Variants in FBXL7 observed in about 807,000 individuals in gnomAD.
FBXL7 encodes F-box/LRR-repeat protein 7.
FBXL7 carries 12 observed loss-of-function variants against 38.3 expected under a neutral mutation model. That is an observed-to-expected ratio of 0.31 (90% confidence interval 0.20 to 0.51). FBXL7 has a LOEUF of 0.51. Among genes scored for constraint, FBXL7 ranks in the 20% least tolerant of loss-of-function variants. The pLI is 0.98. For missense variants in FBXL7, 567 were observed against 676.4 expected (o/e 0.84, Z 1.79); for synonymous variants, 297 against 300.9 (o/e 0.99, Z 0.13).
At chr5:15,623,563 G>A (rs1257104477) in intron 2 of FBXL7, among the ~76,000 whole-genome samples, 1 of 152,132 alleles carries the variant, frequency 6.6e-6, no homozygotes, top group Non-Finnish European at 1.5e-5. Flanking sequence ...TTTTGAAAAT[G>A]CCCAGACATC....
At chr5:15,919,684 T>A in intron 2 of FBXL7, among the ~76,000 whole-genome samples, 1 of 152,214 alleles carries the variant, frequency 6.6e-6, no homozygotes, top group East Asian at 1.9e-4. Flanking sequence ...AAATATTACA[T>A]TTATAATGAG....
At chr5:15,730,113 A>G (rs1427266267) in intron 2 of FBXL7, among the ~76,000 whole-genome samples, 1 of 152,188 alleles carries the variant, frequency 6.6e-6, no homozygotes, top group Non-Finnish European at 1.5e-5. Context: ...ATATGCCCAT[A>G]TTAATAGAAT....
chr5:15,647,857 T>C (rs561221153), intron 2 of FBXL7, among the ~76,000 whole-genome samples: 20 of 152,316 alleles, frequency 1.3e-4, no homozygotes, highest in Non-Finnish European at 2.5e-4. Context: ...GCAGAAGTAC[T>C]TTGCCCAAGC....
At position 15,928,048 on chromosome 5, in the gene FBXL7, CTCACA is replaced by C; in HGVS notation, c.287_291del (p.Leu96ProfsTer135). On this transcript the variant is annotated frameshift_variant, in exon 3 of 4. Coordinates refer to ENST00000504595, the MANE Select transcript of FBXL7 (RefSeq NM_012304.5). LOFTEE classifies it high-confidence loss of function. This position sits in a 1 kb window ranked among gnomAD's most constrained non-coding sequence, Gnocchi z 4.0. ...GGTGCACTCCCCGCCCCCGACCCGCCTCACACACCCGCTCATCCGGCTCGCCTCCA... is the reference window on the plus strand; with the variant it reads ...GGTGCACTCCCCGCCCCCGACCCGCCCACCCGCTCATCCGGCTCGCCTCCA... 1.1e-6 allele frequency: 1 copy of C among 886,834 alleles called. No individual in the cohort carries two copies. The highest frequency in any genetic ancestry group is 2.0e-5 in the Admixed American group (1 of 51,076). 54.9% of individuals were successfully genotyped at this position (886,834 alleles called of 1,614,324 possible).
chr5:15,762,504 T>C (rs1422356084), intron 2 of FBXL7, among the ~76,000 whole-genome samples: 1 of 152,176 alleles, frequency 6.6e-6, no homozygotes, highest in Admixed American at 6.6e-5. Context: ...TCAGAGTAGA[T>C]TTAAAGTTCT....
intron 1 of FBXL7, among the ~76,000 whole-genome samples, chr5:15,516,082 A>G (rs1305283380): frequency 6.6e-6 from 1 of 152,180 alleles, no homozygotes; most frequent in African/African-American, 2.4e-5. Context: ...TTGTCTGTAA[A>G]TTAACTCAAA....
intron 2 of FBXL7, among the ~76,000 whole-genome samples, chr5:15,678,143 A>G (rs759821479): frequency 1.1e-4 from 16 of 152,118 alleles, no homozygotes; most frequent in Non-Finnish European, 2.2e-4. Flanking sequence ...TCACATTACA[A>G]CCTTCATACT....
intron 2 of FBXL7, among the ~76,000 whole-genome samples, chr5:15,692,963 G>T (rs1743226033): frequency 6.6e-6 from 1 of 152,070 alleles, no homozygotes; most frequent in Non-Finnish European, 1.5e-5. Flanking sequence ...TTCGGATTGG[G>T]CCCTGAGCCT....
rs950093699 is a variant in FBXL7 at position 15,790,026 on chromosome 5, C to T, written c.128-137864C>T. ...ACACTGCTTGTTCCTATTTAGTTTA[C>T]CTTCCACTAAAACCTCCAAAATCAT... On this transcript the variant is annotated intron_variant, in intron 2 of 3. Coordinates refer to ENST00000504595, the MANE Select transcript of FBXL7 (RefSeq NM_012304.5). 2.0e-5 allele frequency among the ~76,000 whole-genome samples: 3 copies of T among 152,170 alleles called. 1 individual carries two copies. Among genetic ancestry groups the T allele is most frequent in the Admixed American group, 1.3e-4 (2 of 15,278 alleles).
At chr5:15,883,597 G>T (rs1740551468) in intron 2 of FBXL7, among the ~76,000 whole-genome samples, 1 of 152,166 alleles carries the variant, frequency 6.6e-6, no homozygotes, top group Non-Finnish European at 1.5e-5. Flanking sequence ...AAATATTGGG[G>T]CAGAAAGTCC....
At chr5:15,680,966 CA>C (rs1287075343) in intron 2 of FBXL7, among the ~76,000 whole-genome samples, 1 of 152,058 alleles carries the variant, frequency 6.6e-6, no homozygotes, top group African/African-American at 2.4e-5. Context: ...ATGTAAATTA[CA>C]AAATGATGAC....
intron 2 of FBXL7, among the ~76,000 whole-genome samples, chr5:15,914,385 C>CAAAAAAA (rs57871930): frequency 1.2e-5 from 1 of 81,696 alleles, no homozygotes; most frequent in Non-Finnish European, 2.5e-5. Context: ...GACTCCCTCT[C>CAAAAAAA]AAAAAAAAAA....
Position 15,772,570 on chromosome 5 carries a change from G to A in FBXL7, c.128-155320G>A, listed in dbSNP as rs571309911. 7.2e-5 allele frequency among the ~76,000 whole-genome samples: 11 copies of A among 152,278 alleles called. No homozygotes were observed. In the South Asian group the frequency reaches 2.1e-3, roughly 29 times the overall value. ...CCCCTGGTGCAGCCACAGAAGCTAT[G>A]TCAACTTGGGCTAGTTACTTAGATC... On this transcript the variant is annotated intron_variant, in intron 2 of 3. Coordinates refer to ENST00000504595, the MANE Select transcript of FBXL7 (RefSeq NM_012304.5).
intron 2 of FBXL7, among the ~76,000 whole-genome samples, chr5:15,627,411 A>G (rs1176557838): frequency 6.6e-6 from 1 of 152,202 alleles, no homozygotes; most frequent in African/African-American, 2.4e-5. Context: ...ATGATGTGTT[A>G]GGGTGTGAAG....
intron 1 of FBXL7, among the ~76,000 whole-genome samples, chr5:15,587,402 C>T (rs983507366): frequency 6.6e-6 from 1 of 152,232 alleles, no homozygotes; most frequent in African/African-American, 2.4e-5. Flanking sequence ...AAGGAGGCCT[C>T]TCTTTCATTG....
At chr5:15,624,434 C>T (rs1189181277) in intron 2 of FBXL7, among the ~76,000 whole-genome samples, 3 of 152,206 alleles carry the variant, frequency 2.0e-5, no homozygotes, top group African/African-American at 4.8e-5. Context: ...GCAGCATTTA[C>T]CCGAAGATAA....
chr5:15,657,211 T>A (rs1561072594), intron 2 of FBXL7, among the ~76,000 whole-genome samples: 1 of 152,192 alleles, frequency 6.6e-6, no homozygotes, highest in South Asian at 2.1e-4. Context: ...TTTTTTCTTT[T>A]GGAATACATG....
intron 2 of FBXL7, among the ~76,000 whole-genome samples, chr5:15,658,204 C>T (rs962050759): frequency 2.0e-5 from 3 of 152,260 alleles, no homozygotes; most frequent in African/African-American, 7.2e-5. Flanking sequence ...GCTTTAGATC[C>T]AGAGAGCAAC....
At chr5:15,591,480 T>C (rs1454329082) in intron 1 of FBXL7, among the ~76,000 whole-genome samples, 1 of 150,226 alleles carries the variant, frequency 6.7e-6, no homozygotes, top group Non-Finnish European at 1.5e-5. Flanking sequence ...GGCATTCAAG[T>C]AGAAATTGCA....
Sources: gnomAD v4.1 joint callset for allele counts (sites outside exome capture counted in the v4.1 genomes callset) on GRCh38, gnomAD v4.1.1 for gene constraint, Gnocchi (gnomAD v3.1) non-coding constraint, MANE v1.5 for transcripts, NCBI Gene and HGNC (gene_info 2026-07-23, HGNC 2026-07-21) for gene names.